The following GNB1 variants were observed in gnomAD, a reference collection of about 807,000 sequenced individuals.
GNB1 encodes guanine nucleotide-binding protein G(I)/G(S)/G(T) subunit beta-1.
In GNB1, 2 loss-of-function variants were observed where a neutral mutation model predicts 42.9. That is an observed-to-expected ratio of 0.05 (90% CI 0.02 to 0.15). The LOEUF is 0.15. GNB1 is among the 10% of genes least tolerant of loss of function. The probability of loss-of-function intolerance (pLI) is 1.00; values close to 1 mark genes in which losing one functional copy is unlikely to be tolerated. For missense variants in GNB1, 193 were observed against 462.2 expected, an observed-to-expected ratio of 0.42 and a Z score of 5.34; for synonymous variants, 183 against 174.7, an observed-to-expected ratio of 1.05 and a Z score of -0.38.
chr1:1,817,586 A>G (rs1253156245), intron 4 of GNB1: 2 of 336,778 alleles, frequency 5.9e-6, no homozygotes, highest in African/African-American at 4.2e-5. Context: ...AGACAATAAC[A>G]ATATTTTACA....
At chr1:1,788,415 G>A (rs1187369705) in intron 10 of GNB1, 1 of 154,454 alleles carries the variant, frequency 6.5e-6, no homozygotes, top group South Asian at 2.0e-4. Flanking sequence ...CACTGTGACT[G>A]TGAGACTTGG....
intron 3 of GNB1, among the ~76,000 whole-genome samples, chr1:1,820,356 TAAAAAA>T (rs35466451): frequency 6.9e-5 from 7 of 101,872 alleles, no homozygotes; most frequent in East Asian, 2.9e-4. Flanking sequence ...AGACTCTGTT[TAAAAAA>T]AAAAAAAAAA....
chr1:1,852,392 C>A (rs1648037784), intron 1 of GNB1, among the ~76,000 whole-genome samples: 1 of 152,034 alleles, frequency 6.6e-6, no homozygotes, highest in East Asian at 1.9e-4. Context: ...CCACGCCTGG[C>A]TAATTTTTTT....
chr1:1,873,348 T>TG (rs1438751012), intron 1 of GNB1, among the ~76,000 whole-genome samples: 2 of 152,234 alleles, frequency 1.3e-5, no homozygotes, highest in Non-Finnish European at 2.9e-5. Flanking sequence ...GCTAGACTGT[T>TG]GGAGAGGCAG....
intron 9 of GNB1, 28 bp from the exon 10 acceptor site, chr1:1,789,297 C>T (rs1448647315): frequency 4.8e-6 from 6 of 1,252,906 alleles, no homozygotes; most frequent in Non-Finnish European, 7.0e-6. Context: ...ATCAAGACAT[C>T]ATGTAAACGC....
intron 1 of GNB1, among the ~76,000 whole-genome samples, chr1:1,877,174 C>T (rs1000907267): frequency 6.6e-6 from 1 of 151,726 alleles, no homozygotes; most frequent in Non-Finnish European, 1.5e-5. Flanking sequence ...GTGGTGTATG[C>T]CTGTAATCCC....
chr1:1,868,311 G>T (rs553752308), intron 1 of GNB1, among the ~76,000 whole-genome samples: 1 of 152,160 alleles, frequency 6.6e-6, no homozygotes, highest in African/African-American at 2.4e-5. Flanking sequence ...GCGTAGCTGG[G>T]ATTACAGGCA....
intron 2 of GNB1, among the ~76,000 whole-genome samples, chr1:1,828,881 A>T (rs2101029691): frequency 7.9e-6 from 1 of 126,468 alleles, no homozygotes; most frequent in African/African-American, 2.9e-5. Context: ...GTGTACACAC[A>T]CACATACACA....
At chr1:1,844,593 C>T (rs1329712055) in intron 1 of GNB1, among the ~76,000 whole-genome samples, 1 of 152,132 alleles carries the variant, frequency 6.6e-6, no homozygotes, top group Non-Finnish European at 1.5e-5. Context: ...CTACAAGCTG[C>T]ATTAATATTT....
intron 8 of GNB1, among the ~76,000 whole-genome samples, chr1:1,792,210 T>C (rs944419548): frequency 6.6e-6 from 1 of 152,206 alleles, no homozygotes; most frequent in African/African-American, 2.4e-5. Context: ...ACACTAAAAA[T>C]GAAGTCTGAT....
At chr1:1,800,768 A>AG (rs1344171709) in intron 7 of GNB1, among the ~76,000 whole-genome samples, 1 of 151,924 alleles carries the variant, frequency 6.6e-6, no homozygotes, top group Non-Finnish European at 1.5e-5. Flanking sequence ...AAAAAAAAAA[A>AG]AAAGAAAAAT....
intron 1 of GNB1, among the ~76,000 whole-genome samples, chr1:1,861,394 G>A (rs1648618487): frequency 6.6e-6 from 1 of 151,540 alleles, no homozygotes. Flanking sequence ...GCTACAGCAA[G>A]TTATGATCCC....
chr1:1,824,524 G>A (rs1358286392), intron 3 of GNB1, among the ~76,000 whole-genome samples: 1 of 151,986 alleles, frequency 6.6e-6, no homozygotes, highest in Non-Finnish European at 1.5e-5. Context: ...TTCTGTGAAA[G>A]GTATTCTTTT....
At chr1:1,859,194 A>G (rs1648470344) in intron 1 of GNB1, among the ~76,000 whole-genome samples, 1 of 151,960 alleles carries the variant, frequency 6.6e-6, no homozygotes, top group East Asian at 1.9e-4. Context: ...GCTAATTTTT[A>G]TATTATTAGT....
intron 1 of GNB1, among the ~76,000 whole-genome samples, chr1:1,885,239 C>G (rs1011872429): frequency 6.6e-6 from 1 of 150,854 alleles, no homozygotes; most frequent in Non-Finnish European, 1.5e-5. Context: ...ATGGTGAAAC[C>G]CCATCTCTAC....
At chr1:1,875,988 G>A (rs751042553) in intron 1 of GNB1, among the ~76,000 whole-genome samples, 2 of 152,130 alleles carry the variant, frequency 1.3e-5, no homozygotes, top group Non-Finnish European at 2.9e-5. Context: ...GGTGAGTAGA[G>A]ACACTGAGAA....
chr1:1,846,252 G>C (rs1052692747), intron 1 of GNB1, among the ~76,000 whole-genome samples: 1 of 152,104 alleles, frequency 6.6e-6, no homozygotes, highest in East Asian at 1.9e-4. Flanking sequence ...TCTTTACAGA[G>C]GAATGCCAAT....
At chr1:1,886,840 G>T (rs929611804) in intron 1 of GNB1, among the ~76,000 whole-genome samples, 8 of 152,088 alleles carry the variant, frequency 5.3e-5, no homozygotes, top group Non-Finnish European at 1.2e-4. Context: ...TGAGTAGCTG[G>T]GATTACAGGT....
At chr1:1,825,176 G>A in intron 3 of GNB1, 1 of 522,094 alleles carries the variant, frequency 1.9e-6, no homozygotes, top group Middle Eastern at 5.4e-4. Flanking sequence ...GAGACATCTG[G>A]TGTATATTCA....
Sources: allele counts gnomAD v4.1 joint callset (sites outside exome capture counted in the v4.1 genomes callset), GRCh38; gene constraint gnomAD v4.1.1; transcripts MANE v1.5; gene names NCBI Gene and HGNC (gene_info 2026-07-23, HGNC 2026-07-21).